NPFFR2: variants seen among roughly 807,000 people sequenced by gnomAD.
The protein encoded by NPFFR2 is G-protein coupled receptor 74.
NPFFR2 carries 15 observed loss-of-function variants against 13.1 expected under a neutral mutation model. That is an observed-to-expected ratio of 1.15 (90% CI 0.77 to 1.76). The LOEUF is 1.76. Ranked by LOEUF, NPFFR2 falls within the 40% of genes most tolerant of loss-of-function variation. NPFFR2 has a pLI of 0.00. For missense variants in NPFFR2, 572 were observed against 503.5 expected (o/e 1.14, Z -1.30); for synonymous variants, 190 against 175.7 (o/e 1.08, Z -0.65).
Position 72,035,430 on chromosome 4 carries a change from C to G in NPFFR2, c.-8+3230C>G, listed in dbSNP as rs372232388. Among the ~76,000 whole-genome samples the G allele has an allele frequency of 1.8e-4, 27 of 152,142 alleles. 1 individual carries two copies. The highest frequency in any genetic ancestry group is 1.4e-3 in the Admixed American group (21 of 15,264). On this transcript the variant is annotated intron_variant, in intron 1 of 3. Coordinates refer to ENST00000308744, the MANE Select transcript of NPFFR2 (RefSeq NM_004885.3). ...AGTTTCTATAGTATTCACCAGAGAC[C>G]AGGAAAAGAGAGGGCCAGAGCCTCA...
chr4:72,095,545 TTATAA>T (rs1477103786), intron 1 of NPFFR2, among the ~76,000 whole-genome samples: 2 of 152,178 alleles, frequency 1.3e-5, no homozygotes, highest in Non-Finnish European at 2.9e-5. Flanking sequence ...ATGGTCTACA[TTATAA>T]TATTTAATTA....
intron 1 of NPFFR2, among the ~76,000 whole-genome samples, chr4:72,035,579 G>T (rs1351028151): frequency 6.6e-6 from 1 of 152,118 alleles, no homozygotes; most frequent in Non-Finnish European, 1.5e-5. Context: ...GACATGTCCT[G>T]TTCTGGTTTC....
intron 1 of NPFFR2, among the ~76,000 whole-genome samples, chr4:72,122,231 A>G (rs1214512448): frequency 1.3e-5 from 2 of 152,216 alleles, no homozygotes; most frequent in Non-Finnish European, 2.9e-5. Flanking sequence ...GCACCCATAC[A>G]GGAGCACCCA....
At chr4:72,054,859 G>T (rs1578425349) in intron 1 of NPFFR2, among the ~76,000 whole-genome samples, 1 of 151,790 alleles carries the variant, frequency 6.6e-6, no homozygotes, top group South Asian at 2.1e-4. Context: ...TCAGAGTTCT[G>T]TCTTCATGAA....
intron 1 of NPFFR2, among the ~76,000 whole-genome samples, chr4:72,095,591 T>G (rs1271455632): frequency 6.6e-6 from 1 of 152,152 alleles, no homozygotes; most frequent in Non-Finnish European, 1.5e-5. Flanking sequence ...ATTTTTAAAT[T>G]TTAGAAGAAA....
intron 1 of NPFFR2, among the ~76,000 whole-genome samples, chr4:72,060,726 G>A (rs949437004): frequency 1.3e-5 from 2 of 151,898 alleles, no homozygotes. Flanking sequence ...TATTATTTGG[G>A]GATTTTTCCG....
chr4:72,071,008 G>A (rs1490532846), intron 1 of NPFFR2, among the ~76,000 whole-genome samples: 2 of 152,102 alleles, frequency 1.3e-5, no homozygotes, highest in Admixed American at 6.6e-5. Context: ...AGTTTTAAAA[G>A]TGGTACATGT....
chr4:72,089,791 T>C (rs188742270), intron 1 of NPFFR2, among the ~76,000 whole-genome samples: 1 of 152,318 alleles, frequency 6.6e-6, no homozygotes, highest in East Asian at 1.9e-4. Context: ...CTGCTGATTA[T>C]TTCTTTGGCT....
intron 1 of NPFFR2, among the ~76,000 whole-genome samples, chr4:72,066,983 T>C (rs780023252): frequency 6.6e-5 from 10 of 152,138 alleles, no homozygotes; most frequent in South Asian, 2.1e-4. Flanking sequence ...CTCTCTGCAG[T>C]GGCCCCAACC....
At chr4:72,132,158 C>G (rs960200756) in intron 2 of NPFFR2, among the ~76,000 whole-genome samples, 1 of 151,026 alleles carries the variant, frequency 6.6e-6, no homozygotes, top group Non-Finnish European at 1.5e-5. Flanking sequence ...GTCTCTTCGT[C>G]CTTACTCCCT....
intron 1 of NPFFR2, among the ~76,000 whole-genome samples, chr4:72,121,353 C>T (rs1721873325): frequency 6.6e-6 from 1 of 152,012 alleles, no homozygotes; most frequent in Non-Finnish European, 1.5e-5. Context: ...GAGAACTTCC[C>T]CAACCTAGCA....
At position 72,128,767 on chromosome 4, in the gene NPFFR2, G is replaced by A; in HGVS notation, c.176G>A (p.Cys59Tyr). ...TCCTACTTTCTGATCTTCTTTTTGT[G>A]CATGATGGGAAATACTGTGGTTTGC... is the stretch of plus-strand genomic sequence containing the variant. ...IISYFLIFFL[C>Y]MMGNTVVCFI... The change falls in exon 2 of 4, where the codon TGC (cysteine) becomes TAC (tyrosine). Residue 59 changes from cysteine to tyrosine, a missense_variant. Physicochemically the swap from Cys to Tyr is radical, Grantham distance 194 (BLOSUM62 -2). Coordinates refer to ENST00000308744, the MANE Select transcript of NPFFR2 (RefSeq NM_004885.3). 6.2e-7 allele frequency: 1 copy of A among 1,614,072 alleles called. No individual in the cohort carries two copies.
chr4:72,035,794 T>C (rs1719026250), intron 1 of NPFFR2, among the ~76,000 whole-genome samples: 1 of 152,210 alleles, frequency 6.6e-6, no homozygotes, highest in Admixed American at 6.5e-5. Context: ...TTTTCAAATG[T>C]TATGAAAGTA....
At chr4:72,106,560 A>G (rs1188666038) in intron 1 of NPFFR2, among the ~76,000 whole-genome samples, 1 of 151,740 alleles carries the variant, frequency 6.6e-6, no homozygotes, top group Non-Finnish European at 1.5e-5. Context: ...TCAGCTTAAA[A>G]CTCTGTCCAT....
chr4:72,073,496 G>A (rs940336860), intron 1 of NPFFR2, among the ~76,000 whole-genome samples: 12 of 151,936 alleles, frequency 7.9e-5, no homozygotes, highest in Non-Finnish European at 1.5e-4. Context: ...GAATACATAT[G>A]CAATTATAAA....
chr4:72,128,876 C>A lies in NPFFR2; in HGVS notation c.285C>A (p.Gly95=). 1 of 1,613,918 alleles carries A rather than the reference C, an allele frequency of 6.2e-7. No individual in the cohort carries two copies. Among genetic ancestry groups the A allele is most frequent in the Non-Finnish European group, 8.5e-7 (1 of 1,179,850 alleles). ...LNLAISDLLV[G]IFCMPITLLD... is the part of the protein sequence containing the mutation. ...TGGCCATAAGTGATTTACTAGTTGG[C>A]ATATTCTGCATGCCTATAACACTGC... Residue 95 remains glycine, a synonymous_variant, in exon 2 of 4, where the codon GGC becomes GGA. Transcript: ENST00000308744.
At chr4:72,084,717 A>G (rs28449261) in intron 1 of NPFFR2, among the ~76,000 whole-genome samples, 3,962 of 152,214 alleles carry the variant, frequency 0.026, 140 homozygotes, top group African/African-American at 0.079. Flanking sequence ...TGCTTTCCTG[A>G]AAGCAGCAGG....
At chr4:72,142,655 T>TA (rs1722666547) in intron 3 of NPFFR2, among the ~76,000 whole-genome samples, 1 of 152,220 alleles carries the variant, frequency 6.6e-6, no homozygotes, top group Non-Finnish European at 1.5e-5. Context: ...TTCCATACTT[T>TA]AAAAATAAAT....
At chr4:72,044,725 G>T (rs1477007329) in intron 1 of NPFFR2, among the ~76,000 whole-genome samples, 1 of 137,158 alleles carries the variant, frequency 7.3e-6, no homozygotes, top group Non-Finnish European at 1.6e-5. Flanking sequence ...TGTGTTCTTT[G>T]TCCACTTTTT....
Sources: allele counts gnomAD v4.1 joint callset (sites outside exome capture counted in the v4.1 genomes callset), GRCh38; gene constraint gnomAD v4.1.1; transcripts MANE v1.5; gene names NCBI Gene and HGNC (gene_info 2026-07-23, HGNC 2026-07-21).